The following PPP3CA variants were observed in gnomAD, a reference collection of about 807,000 sequenced individuals.
PPP3CA encodes protein phosphatase 3 catalytic subunit alpha.
In PPP3CA, 14 loss-of-function variants were observed where a neutral mutation model predicts 66.5. The ratio of observed to expected loss-of-function variants is 0.21; its 90% CI spans 0.14 to 0.33. PPP3CA has a LOEUF of 0.33. PPP3CA is among the 10% of genes least tolerant of loss of function. PPP3CA has a pLI of 1.00. For synonymous variants in PPP3CA, 232 were observed against 226.2 expected, an observed-to-expected ratio of 1.03 and a Z score of -0.23; for missense variants, 317 against 639.5, an observed-to-expected ratio of 0.50 and a Z score of 5.44.
intron 8 of PPP3CA, 57 bp from the exon 9 acceptor site, chr4:101,063,414 A>G: frequency 1.3e-6 from 2 of 1,562,680 alleles, no homozygotes; most frequent in Non-Finnish European, 1.7e-6. Flanking sequence ...GCTTCTATGT[A>G]TGGCTTTAGC....
At chr4:101,041,814 A>G (rs1391604210) in intron 10 of PPP3CA, among the ~76,000 whole-genome samples, 1 of 152,168 alleles carries the variant, frequency 6.6e-6, no homozygotes, top group East Asian at 1.9e-4. Flanking sequence ...GCATTAACAC[A>G]AGCAGATCGT....
At chr4:101,244,358 T>C (rs1726408541) in intron 1 of PPP3CA, among the ~76,000 whole-genome samples, 1 of 152,158 alleles carries the variant, frequency 6.6e-6, no homozygotes, top group Non-Finnish European at 1.5e-5. Flanking sequence ...TCTGTTATGT[T>C]AGTGAGAGAA....
intron 1 of PPP3CA, among the ~76,000 whole-genome samples, chr4:101,275,796 A>C (rs1578619457): frequency 6.9e-6 from 1 of 145,902 alleles, no homozygotes; most frequent in South Asian, 2.1e-4. Flanking sequence ...TCACTTTTAC[A>C]TCTTTTTTGT....
intron 1 of PPP3CA, among the ~76,000 whole-genome samples, chr4:101,309,815 G>T (rs1728667442): frequency 6.6e-6 from 1 of 152,120 alleles, no homozygotes; most frequent in African/African-American, 2.4e-5. Context: ...TGTTTCTATA[G>T]GATATTCTTA....
At position 101,134,817 on chromosome 4, in the gene PPP3CA, T is replaced by C. The variant is rs575817955; in HGVS notation, c.260-25739A>G. ...CAGCACTATTCACAATAGCAAAGAC[T>C]TGGGGACAATCCAAATGTCCATCAA... On this transcript the variant is annotated intron_variant, in intron 2 of 13. Coordinates refer to ENST00000394854, the MANE Select transcript of PPP3CA (RefSeq NM_000944.5). Among the ~76,000 whole-genome samples the C allele has an allele frequency of 5.7e-4, 87 of 152,272 alleles. 2 individuals are homozygous for C. In the South Asian group the frequency reaches 0.018, roughly 32 times the overall value.
At chr4:101,299,731 A>G (rs1033660664) in intron 1 of PPP3CA, among the ~76,000 whole-genome samples, 2 of 152,236 alleles carry the variant, frequency 1.3e-5, no homozygotes, top group Admixed American at 1.3e-4. Context: ...AAATATGTAC[A>G]GAGCCTCAGG....
intron 1 of PPP3CA, among the ~76,000 whole-genome samples, chr4:101,284,765 C>T (rs1727784818): frequency 6.6e-6 from 1 of 151,936 alleles, no homozygotes; most frequent in Non-Finnish European, 1.5e-5. Flanking sequence ...ACATTCTGTA[C>T]TTTCAAATCT....
intron 6 of PPP3CA, among the ~76,000 whole-genome samples, chr4:101,086,293 C>T (rs6846905): frequency 0.037 from 5,529 of 151,378 alleles, 127 homozygotes; most frequent in Middle Eastern, 0.095. Flanking sequence ...GAATTCTGCT[C>T]GGAAAAGAAG....
intron 1 of PPP3CA, among the ~76,000 whole-genome samples, chr4:101,335,726 A>G (rs1041810517): frequency 4.6e-5 from 7 of 152,112 alleles, no homozygotes; most frequent in Non-Finnish European, 1.0e-4. Context: ...CCTATGAAAG[A>G]CTTCTGAGTT....
chr4:101,097,130 C>A (rs760382493), intron 5 of PPP3CA, among the ~76,000 whole-genome samples: 1 of 151,994 alleles, frequency 6.6e-6, no homozygotes, highest in Non-Finnish European at 1.5e-5. Context: ...TTATTTGAAG[C>A]CAAAGTCTAC....
chr4:101,287,945 A>AT (rs143634841), intron 1 of PPP3CA, among the ~76,000 whole-genome samples: 6,157 of 152,122 alleles, frequency 0.04, 392 homozygotes, highest in African/African-American at 0.14. Flanking sequence ...GCATCATACC[A>AT]TTTTTTTCCT....
chr4:101,033,942 C>T (rs373553188), intron 11 of PPP3CA, among the ~76,000 whole-genome samples: 4 of 152,242 alleles, frequency 2.6e-5, no homozygotes, highest in South Asian at 4.1e-4. Context: ...AGGAGCCTTC[C>T]GAATGGTCTC....
intron 3 of PPP3CA, among the ~76,000 whole-genome samples, chr4:101,105,916 G>T (rs1730645377): frequency 6.6e-6 from 1 of 152,142 alleles, no homozygotes; most frequent in African/African-American, 2.4e-5. Context: ...AGGAAAGTAG[G>T]ATGCCTATTT....
In PPP3CA at chr4:101,056,917, A is replaced by C. The variant is rs565679774; in HGVS notation, c.1156+4170T>G. On this transcript the variant is annotated intron_variant, in intron 10 of 13. Coordinates refer to ENST00000394854, the MANE Select transcript of PPP3CA (RefSeq NM_000944.5). ...CAAAGAAAACCAAGGATTTCTGAGA[A>C]GCTTTACAAATTATTCTTTGAGCAT... Among the ~76,000 whole-genome samples the C allele has an allele frequency of 2.3e-4, 35 of 152,206 alleles. No homozygotes were observed. In the South Asian group the frequency reaches 3.9e-3, roughly 17 times the overall value.
chr4:101,096,415 T>C (rs1420490790), intron 5 of PPP3CA, among the ~76,000 whole-genome samples: 1 of 152,184 alleles, frequency 6.6e-6, no homozygotes, highest in African/African-American at 2.4e-5. Flanking sequence ...TGGTTATTCA[T>C]TTTGTAGTAG....
intron 2 of PPP3CA, among the ~76,000 whole-genome samples, chr4:101,130,215 G>T (rs1377692447): frequency 6.6e-6 from 1 of 152,000 alleles, no homozygotes; most frequent in Admixed American, 6.6e-5. Context: ...AGAATAAAAA[G>T]GAACAAACAA....
intron 2 of PPP3CA, among the ~76,000 whole-genome samples, chr4:101,177,188 A>G (rs1049069924): frequency 1.3e-5 from 2 of 152,188 alleles, no homozygotes; most frequent in Admixed American, 6.5e-5. Context: ...AAATCACACA[A>G]TAACAAAAGT....
intron 10 of PPP3CA, among the ~76,000 whole-genome samples, chr4:101,057,869 A>G (rs940481136): frequency 6.6e-6 from 1 of 152,112 alleles, no homozygotes; most frequent in African/African-American, 2.4e-5. Context: ...CAAGGCCTGC[A>G]CTGCTATCAT....
intron 2 of PPP3CA, among the ~76,000 whole-genome samples, chr4:101,177,621 A>G (rs1724104580): frequency 6.6e-6 from 1 of 152,156 alleles, no homozygotes; most frequent in Non-Finnish European, 1.5e-5. Context: ...ATATGAGTCA[A>G]ATGAAAAGTG....
Sources: allele counts gnomAD v4.1 joint callset (sites outside exome capture counted in the v4.1 genomes callset), GRCh38; gene constraint gnomAD v4.1.1; transcripts MANE v1.5; gene names NCBI Gene and HGNC (gene_info 2026-07-23, HGNC 2026-07-21).